Variants in TTLL4 observed in about 807,000 individuals in gnomAD.
TTLL4 encodes tubulin monoglutamylase TTLL4.
In TTLL4, 85 loss-of-function variants were observed where a neutral mutation model predicts 122.7. The observed-to-expected ratio is 0.69, with a 90% CI of 0.58 to 0.83. The LOEUF is 0.83. TTLL4 is among the 40% of genes least tolerant of loss of function. TTLL4 has a pLI of 0.00. For missense variants in TTLL4, 1,363 were observed against 1,488.6 expected, an observed-to-expected ratio of 0.92 and a Z score of 1.39; for synonymous variants, 553 against 563.0, an observed-to-expected ratio of 0.98 and a Z score of 0.25.
chr2:218,741,406 C>T (rs1276408771), intron 5 of TTLL4, among the ~76,000 whole-genome samples: 1 of 152,192 alleles, frequency 6.6e-6, no homozygotes, highest in Non-Finnish European at 1.5e-5. Context: ...TTCTTTGCAT[C>T]AACCCTGCCT....
downstream of TTLL4, among the ~76,000 whole-genome samples, chr2:218,759,709 T>C (rs545839796): frequency 6.6e-6 from 1 of 152,288 alleles, no homozygotes; most frequent in East Asian, 1.9e-4. Context: ...TAAATAAAGC[T>C]GATTTAAAAG....
downstream of TTLL4, among the ~76,000 whole-genome samples, chr2:218,756,247 T>C (rs1943149040): frequency 2.0e-5 from 3 of 152,176 alleles, no homozygotes; most frequent in African/African-American, 4.8e-5. Context: ...GTTCTTTGGC[T>C]TGCCCCCTGA....
chr2:218,745,873 C>CT, intron 7 of TTLL4, 72 bp downstream of exon 7: 1 of 1,375,334 alleles, frequency 7.3e-7, no homozygotes, highest in Non-Finnish European at 1.0e-6. Flanking sequence ...GGGGAGAGCT[C>CT]TAGACACCTC....
Position 218,754,222 on chromosome 2 carries a change from T to TA in TTLL4, c.3434dup (p.Tyr1145Ter). 6.2e-7 allele frequency: 1 copy of TA among 1,614,164 alleles called. No individual in the cohort carries two copies. Among genetic ancestry groups the TA allele is most frequent in the Non-Finnish European group, 8.5e-7 (1 of 1,180,028 alleles). Reference sequence around the variant, plus strand: ...GAAGACTCAAGCTGGCCTTTCCCCTTATCCCCAGAAACCCAGTTCCTCAAA... The same window carrying TA: ...GAAGACTCAAGCTGGCCTTTCCCCTTAATCCCCAGAAACCCAGTTCCTCAAA... ...SKKTQAGLSP[Y>*]PQKPSSSKDS... Residue 1145 changes from tyrosine to a stop codon, truncating the protein, a stop_gained and frameshift_variant, in exon 20 of 20, where the codon TAT (tyrosine) becomes TAAT (stop). Coordinates refer to ENST00000392102, the MANE Select transcript of TTLL4 (RefSeq NM_014640.5). LOFTEE classifies it high-confidence loss of function.
Position 218,717,501 on chromosome 2 carries a change from C to T in TTLL4, c.-178+6464C>T. The stretch of plus-strand genomic sequence containing the variant: ...TTTCAGTAATTTATAGGTTTACCTC[C>T]CTCAGCTCCAGCTGCCATAACCTGT... On this transcript the variant is annotated intron_variant, in intron 1 of 19. Coordinates refer to ENST00000392102, the MANE Select transcript of TTLL4 (RefSeq NM_014640.5). Among the ~76,000 whole-genome samples the T allele has an allele frequency of 2.6e-5, 4 of 152,296 alleles. No individual in the cohort carries two copies. The South Asian group carries it at 8.3e-4, about 32-fold the overall frequency.
At chr2:218,751,551 A>C in intron 15 of TTLL4, 153 bp from the exon 16 acceptor site, 7 of 962,996 alleles carry the variant, frequency 7.3e-6, no homozygotes, top group Non-Finnish European at 8.6e-6. Flanking sequence ...TGGGGAGTGC[A>C]TTTTAGTCCA....
In TTLL4 at chr2:218,738,110, C is replaced by T. The variant is rs371708156; in HGVS notation, c.434C>T (p.Pro145Leu). ...CLRSSPSEKS[P>L]FSLPQKSLPV... Reference sequence around the variant, plus strand: ...CGTTCGAGCCCGTCAGAAAAAAGCCCTTTTTCTCTCCCTCAAAAGAGCCTC... The same window carrying T: ...CGTTCGAGCCCGTCAGAAAAAAGCCTTTTTTCTCTCCCTCAAAAGAGCCTC... The change falls in exon 3 of 20, where the codon CCT (proline) becomes CTT (leucine). Residue 145 changes from proline (P) to leucine (L), a missense_variant. By Grantham distance (98) the Pro-to-Leu change is moderately conservative (BLOSUM62 -3). Coordinates refer to ENST00000392102, the MANE Select transcript of TTLL4 (RefSeq NM_014640.5). The T allele has an allele frequency of 9.9e-6, 16 of 1,613,934 alleles. No homozygotes were observed. Among genetic ancestry groups the T allele is most frequent in the Non-Finnish European group, 1.4e-5 (16 of 1,180,028 alleles).
intron 1 of TTLL4, among the ~76,000 whole-genome samples, chr2:218,726,990 A>G (rs1182172991): frequency 4.0e-5 from 6 of 150,642 alleles, no homozygotes; most frequent in African/African-American, 1.5e-4. Flanking sequence ...TGTACTTTTA[A>G]TAGAGATGGG....
At chr2:218,734,483 T>C (rs1942461202) in intron 2 of TTLL4, among the ~76,000 whole-genome samples, 1 of 152,182 alleles carries the variant, frequency 6.6e-6, no homozygotes, top group African/African-American at 2.4e-5. Context: ...GATGGTGGCA[T>C]GCGCAGAGGT....
In TTLL4 at chr2:218,740,537, C is replaced by A; in HGVS notation, c.1614C>A (p.Ser538=). 1 of 1,614,164 alleles carries A rather than the reference C, an allele frequency of 6.2e-7. No homozygotes were observed. Among genetic ancestry groups the A allele is most frequent in the Non-Finnish European group, 8.5e-7 (1 of 1,180,030 alleles). Residue 538 remains serine, a synonymous_variant, in exon 5 of 20, where the codon TCC becomes TCA. Transcript: ENST00000392102. ...NEEEEGDSEC[S]SLSAVSPSES... ...TTCCTCTAGGAGACTCAGAGTGCTC[C>A]TCATTAAGTGCTGTCTCCCCCAGCG...
Position 218,738,107 on chromosome 2 carries a change from G to A in TTLL4, c.431G>A (p.Ser144Asn). The A allele has an allele frequency of 1.2e-6, 2 of 1,613,972 alleles. No individual in the cohort carries two copies. The highest frequency in any genetic ancestry group is 1.7e-6 in the Non-Finnish European group (2 of 1,180,018). Residue 144 changes from serine (S) to asparagine (N), a missense_variant, in exon 3 of 20, where the codon AGC (serine) becomes AAC (asparagine). Around this residue, in one of 3 missense-constraint regions of TTLL4, gnomAD observed 760 missense variants for 808.4 expected, o/e 0.94. Coordinates refer to ENST00000392102, the MANE Select transcript of TTLL4 (RefSeq NM_014640.5). ...FCLRSSPSEKSPFSLPQKSLP... is the reference protein window; with the variant it reads ...FCLRSSPSEKNPFSLPQKSLP... The stretch of plus-strand genomic sequence containing the variant: ...TTGCGTTCGAGCCCGTCAGAAAAAA[G>A]CCCTTTTTCTCTCCCTCAAAAGAGC...
chr2:218,735,020 C>A (rs1272142939), intron 2 of TTLL4, among the ~76,000 whole-genome samples: 1 of 152,096 alleles, frequency 6.6e-6, no homozygotes, highest in African/African-American at 2.4e-5. Context: ...GTTTTTAGCT[C>A]ATTATCATTT....
At chr2:218,740,260 T>G in intron 4 of TTLL4, 93 bp downstream of exon 4, 6 of 1,243,806 alleles carry the variant, frequency 4.8e-6, no homozygotes, top group Non-Finnish European at 6.9e-6. Context: ...TTGACTCACA[T>G]TACCTACATC....
intron 15 of TTLL4, 121 bp downstream of exon 15, chr2:218,750,267 C>A: frequency 7.3e-7 from 1 of 1,370,510 alleles, no homozygotes; most frequent in Non-Finnish European, 9.8e-7. Flanking sequence ...TCAATCTTGC[C>A]CCTACAGTCC....
In TTLL4 at chr2:218,729,767, A is replaced by C. The variant is rs530729113; in HGVS notation, c.-99+2420A>C. On this transcript the variant is annotated intron_variant, in intron 2 of 19. Coordinates refer to ENST00000392102, the MANE Select transcript of TTLL4 (RefSeq NM_014640.5). ...TCTTTTTAAAAAAAAAAAAAACAAA[A>C]AAAAAAAAAACAGGATCTTATTCTG... Among the ~76,000 whole-genome samples the C allele has an allele frequency of 8.3e-3, 751 of 90,332 alleles. 1 individual carries two copies. The highest frequency in any genetic ancestry group is 0.021 in the African/African-American group (564 of 26,728). The allele number at this position is 90,332 out of a possible 152,430, so 59.3% of individuals were successfully genotyped here. A position where few individuals can be genotyped will look rare whatever the true frequency, so the allele number is the denominator to read the frequency against.
At position 218,713,611 on chromosome 2, in the gene TTLL4, G is replaced by C. The variant is rs538772354; in HGVS notation, c.-178+2574G>C. 3.0e-4 allele frequency among the ~76,000 whole-genome samples: 46 copies of C among 152,240 alleles called. No individual in the cohort carries two copies. In the South Asian group the frequency reaches 8.9e-3, roughly 30 times the overall value. On this transcript the variant is annotated intron_variant, in intron 1 of 19. Coordinates refer to ENST00000392102, the MANE Select transcript of TTLL4 (RefSeq NM_014640.5). ...TTACCTTATATGTAAGGAACACATA[G>C]TTTTAAAAATTCTTTCAGGGATACA...
chr2:218,748,182 A>G lies in TTLL4; in HGVS notation c.2456A>G (p.Glu819Gly). ...TNYSVNKKNA[E>G]YQANADEMAC... ...TACAGTGTCAATAAAAAGAATGCCG[A>G]GTACCAGGCCAATGCAGATGAAATG... Residue 819 changes from glutamate (E) to glycine (G), a missense_variant, in exon 12 of 20, where the codon GAG becomes GGG. Physicochemically the swap from Glu to Gly is moderately conservative, Grantham distance 98. Transcript: ENST00000392102. 1 of 1,614,208 alleles carries G rather than the reference A, an allele frequency of 6.2e-7. No homozygotes were observed. The highest frequency in any genetic ancestry group is 2.2e-5 in the East Asian group (1 of 44,884).
At position 218,754,235 on chromosome 2, in the gene TTLL4, C is replaced by T. The variant is rs1943103557; in HGVS notation, c.3446C>T (p.Pro1149Leu). 1 of 1,614,202 alleles carries T rather than the reference C, an allele frequency of 6.2e-7. No homozygotes were observed. Among genetic ancestry groups the T allele is most frequent in the Non-Finnish European group, 8.5e-7 (1 of 1,180,050 alleles). Residue 1149 changes from proline (P) to leucine (L), a missense_variant, in exon 20 of 20, where the codon CCC becomes CTC. Around this residue, in one of 3 missense-constraint regions of TTLL4, gnomAD observed 596 missense variants for 655.8 expected, o/e 0.91. Coordinates refer to ENST00000392102, the MANE Select transcript of TTLL4 (RefSeq NM_014640.5). ...GGCCTTTCCCCTTATCCCCAGAAAC[C>T]CAGTTCCTCAAAGGACAGTGAGGAC... ...QAGLSPYPQKPSSSKDSEDTS... is the reference protein window; with the variant it reads ...QAGLSPYPQKLSSSKDSEDTS...
intron 2 of TTLL4, among the ~76,000 whole-genome samples, chr2:218,728,455 G>A (rs1201660000): frequency 2.0e-5 from 3 of 152,182 alleles, no homozygotes; most frequent in Admixed American, 6.5e-5. Context: ...TGTTGCCGCT[G>A]AGCCTATAGG....
Sources: gnomAD v4.1 joint callset for allele counts (sites outside exome capture counted in the v4.1 genomes callset) on GRCh38, gnomAD v4.1.1 for gene constraint, gnomAD v4.1.1 regional missense constraint, MANE v1.5 for transcripts, NCBI Gene and HGNC (gene_info 2026-07-23, HGNC 2026-07-21) for gene names.